Variants in LPP observed in about 807,000 individuals in gnomAD.
The protein encoded by LPP is lipoma-preferred partner.
LPP carries 38 observed loss-of-function variants against 60.4 expected under a neutral mutation model. The observed-to-expected ratio is 0.63, with a 90% CI of 0.49 to 0.83. LPP has a LOEUF of 0.83. Ranked by LOEUF, LPP falls within the 40% of genes least tolerant of loss-of-function variation. The probability of loss-of-function intolerance (pLI) is 0.00; values close to 1 mark genes in which losing one functional copy is unlikely to be tolerated. For missense variants in LPP, 902 were observed against 783.6 expected (o/e 1.15, Z -1.80); for synonymous variants, 328 against 290.8 (o/e 1.13, Z -1.30).
intron 2 of LPP, among the ~76,000 whole-genome samples, chr3:188,313,219 C>A (rs184616007): frequency 9.9e-5 from 15 of 152,140 alleles, no homozygotes; most frequent in Admixed American, 3.9e-4. Flanking sequence ...ATTATGCTTT[C>A]AATTATTGTA....
intron 7 of LPP, among the ~76,000 whole-genome samples, chr3:188,657,882 C>T (rs1853654414): frequency 6.6e-6 from 1 of 152,136 alleles, no homozygotes. Context: ...CAGCGTTGGT[C>T]CTCTCTTATA....
In LPP at chr3:188,269,299, C is replaced by G. The variant is rs1002279457; in HGVS notation, c.-67+43772C>G. On this transcript the variant is annotated intron_variant, in intron 2 of 11. Transcript: ENST00000617246. ...CCCTATTGAACTGTGTGCCATTGGGCAAGTTGTTTCTATTTCTGGGGTATT... is the reference window on the plus strand; with the variant it reads ...CCCTATTGAACTGTGTGCCATTGGGGAAGTTGTTTCTATTTCTGGGGTATT... Among the ~76,000 whole-genome samples the G allele has an allele frequency of 3.3e-5, 5 of 152,170 alleles. No individual in the cohort carries two copies. In the East Asian group the frequency reaches 9.7e-4, roughly 29 times the overall value.
chr3:188,378,492 G>A (rs1044104068), intron 3 of LPP, among the ~76,000 whole-genome samples: 1 of 152,212 alleles, frequency 6.6e-6, no homozygotes, highest in Admixed American at 6.5e-5. Context: ...GAGACTCCAT[G>A]GGCTTAGGAC....
At chr3:188,820,809 C>T (rs555454916) in intron 9 of LPP, among the ~76,000 whole-genome samples, 12 of 152,062 alleles carry the variant, frequency 7.9e-5, no homozygotes, top group African/African-American at 2.9e-4. Context: ...AGTTCACCAC[C>T]GAAATGTTTT....
In LPP at chr3:188,498,448, A is replaced by G. The variant is rs577278463; in HGVS notation, c.306+13744A>G. Among the ~76,000 whole-genome samples, 21 of 152,236 alleles carry G rather than the reference A, an allele frequency of 1.4e-4. 1 individual carries two copies. Among genetic ancestry groups the G allele is most frequent in the African/African-American group, 4.6e-4 (19 of 41,548 alleles). Reference sequence around the variant, plus strand: ...CATGGTAAAATTGTAATCAGATTGTATTTGTCTTCGCAACTGGCTTATTTT... The same window carrying G: ...CATGGTAAAATTGTAATCAGATTGTGTTTGTCTTCGCAACTGGCTTATTTT... On this transcript the variant is annotated intron_variant, in intron 5 of 11. Coordinates refer to ENST00000617246, the MANE Select transcript of LPP (RefSeq NM_001375462.1).
intron 3 of LPP, among the ~76,000 whole-genome samples, chr3:188,358,212 C>T (rs1319708711): frequency 1.3e-5 from 2 of 152,110 alleles, no homozygotes; most frequent in South Asian, 2.1e-4. Context: ...ACATAATTTG[C>T]CCAAGGTTAC....
intron 4 of LPP, among the ~76,000 whole-genome samples, chr3:188,433,023 C>A (rs1359233107): frequency 6.6e-6 from 1 of 152,124 alleles, no homozygotes; most frequent in Non-Finnish European, 1.5e-5. Flanking sequence ...GAAAAACGAG[C>A]AGGGGCTGGA....
rs939204924 is a variant in LPP at position 188,612,761 on chromosome 3, C to G, written c.1113+2917C>G. 3.8e-4 allele frequency among the ~76,000 whole-genome samples: 57 copies of G among 151,904 alleles called. 1 individual carries two copies. Among genetic ancestry groups the G allele is most frequent in the Non-Finnish European group, 3.7e-4 (25 of 67,992 alleles). ...GCTTCTGGGGAGTTTGGCATTTAACCCATTAAGGAAAAAGTTTAAAAGATG... is the reference window on the plus strand; with the variant it reads ...GCTTCTGGGGAGTTTGGCATTTAACGCATTAAGGAAAAAGTTTAAAAGATG... On this transcript the variant is annotated intron_variant, in intron 7 of 11. Coordinates refer to ENST00000617246, the MANE Select transcript of LPP (RefSeq NM_001375462.1).
At chr3:188,770,344 AT>A (rs61040174) in intron 9 of LPP, among the ~76,000 whole-genome samples, 52,467 of 111,960 alleles carry the variant, frequency 0.47, 11,721 homozygotes, top group East Asian at 0.75. Flanking sequence ...ACGCCCAGCT[AT>A]TTTTTTTTTT....
At position 188,156,164 on chromosome 3, in the gene LPP, T is replaced by G. The variant is rs191922751; in HGVS notation, c.-190+1912T>G. Among the ~76,000 whole-genome samples, 88 of 152,224 alleles carry G rather than the reference T, an allele frequency of 5.8e-4. 2 individuals are homozygous for G. Among genetic ancestry groups the G allele is most frequent in the Admixed American group, 3.7e-3 (56 of 15,280 alleles). On this transcript the variant is annotated intron_variant, in intron 1 of 11. Coordinates refer to ENST00000617246, the MANE Select transcript of LPP (RefSeq NM_001375462.1). ...GATTACCTATTCTGAATGGTAGGGGTAAAAGCCTGGGGCCTTAGGGTCTGG... is the reference window on the plus strand; with the variant it reads ...GATTACCTATTCTGAATGGTAGGGGGAAAAGCCTGGGGCCTTAGGGTCTGG...
At chr3:188,392,168 C>T (rs762842445) in intron 3 of LPP, among the ~76,000 whole-genome samples, 3 of 152,200 alleles carry the variant, frequency 2.0e-5, no homozygotes, top group Non-Finnish European at 2.9e-5. Flanking sequence ...TATTACATCT[C>T]TACTTGTCAG....
At chr3:188,708,579 G>A (rs1258641229) in intron 8 of LPP, 186 bp downstream of exon 8, 5 of 738,122 alleles carry the variant, frequency 6.8e-6, no homozygotes, top group African/African-American at 3.5e-5. Flanking sequence ...TAGATGTGAT[G>A]TCTACTTAGC....
intron 4 of LPP, among the ~76,000 whole-genome samples, chr3:188,416,500 A>G (rs1560376025): frequency 6.6e-6 from 1 of 152,188 alleles, no homozygotes; most frequent in Non-Finnish European, 1.5e-5. Context: ...CATTAACTTC[A>G]GGGACCAGTG....
At chr3:188,414,242 A>C (rs1042745612) in intron 4 of LPP, among the ~76,000 whole-genome samples, 6 of 152,150 alleles carry the variant, frequency 3.9e-5, no homozygotes, top group Admixed American at 1.3e-4. Flanking sequence ...AAAATACTTT[A>C]ATATAGGTTA....
intron 5 of LPP, among the ~76,000 whole-genome samples, chr3:188,520,356 G>A (rs1456765506): frequency 1.3e-5 from 2 of 152,164 alleles, no homozygotes. Flanking sequence ...TGACCTGGTA[G>A]CACTTGGCTT....
chr3:188,454,526 C>G (rs1797295458), intron 4 of LPP, among the ~76,000 whole-genome samples: 1 of 152,012 alleles, frequency 6.6e-6, no homozygotes, highest in South Asian at 2.1e-4. Context: ...AAAACAACTC[C>G]AGTTTTATGC....
At chr3:188,690,688 T>G (rs1861929099) in intron 7 of LPP, among the ~76,000 whole-genome samples, 1 of 152,162 alleles carries the variant, frequency 6.6e-6, no homozygotes, top group Admixed American at 6.6e-5. Flanking sequence ...GTCAAAGTGT[T>G]CTCTCTTTCC....
chr3:188,756,976 A>G (rs186851227), intron 8 of LPP, among the ~76,000 whole-genome samples: 4 of 152,340 alleles, frequency 2.6e-5, no homozygotes, highest in Admixed American at 2.6e-4. Context: ...GTGTTTTGGT[A>G]TCCAAGCCAT....
chr3:188,167,538 C>CAAAACAAAACA (rs145648006), intron 1 of LPP, among the ~76,000 whole-genome samples: 7 of 150,368 alleles, frequency 4.7e-5, no homozygotes, highest in Admixed American at 1.3e-4. Context: ...CAAAACAAAA[C>CAAAACAAAACA]AAAGGCCTGC....
Sources: gnomAD v4.1 joint callset for allele counts (sites outside exome capture counted in the v4.1 genomes callset) on GRCh38, gnomAD v4.1.1 for gene constraint, MANE v1.5 for transcripts, NCBI Gene and HGNC (gene_info 2026-07-23, HGNC 2026-07-21) for gene names.